The following SUN2 variants were observed in gnomAD, a reference collection of about 807,000 sequenced individuals.
SUN2 encodes SUN domain-containing protein 2.
In SUN2, 60 loss-of-function variants were observed where a neutral mutation model predicts 100.0. The ratio of observed to expected loss-of-function variants is 0.60; its 90% CI spans 0.49 to 0.74. The LOEUF is 0.74. Ranked by LOEUF, SUN2 falls within the 30% of genes least tolerant of loss-of-function variation. SUN2 has a pLI of 0.00. For missense variants in SUN2, 834 were observed against 954.6 expected (o/e 0.87, Z 1.66); for synonymous variants, 367 against 403.3 (o/e 0.91, Z 1.08).
rs2092980808 is a variant in SUN2, at chr22:38,755,787, C to T, written c.-62G>A. 1 of 984,474 alleles carries T rather than the reference C, an allele frequency of 1.0e-6. No homozygotes were observed. Among genetic ancestry groups the T allele is most frequent in the South Asian group, 4.7e-5 (1 of 21,288 alleles). The allele number at this position is 984,474 out of a possible 1,614,324, so 61.0% of individuals were successfully genotyped here. A position where few individuals can be genotyped will look rare whatever the true frequency, so the allele number is the denominator to read the frequency against. ...CCTGCTGCCGCGGCGGCTTCTAGCC[C>T]GGCCGGGGGCGTCCGAGGCCAGGCC... On this transcript the variant is annotated 5_prime_UTR_variant, in exon 1 of 18. Coordinates refer to ENST00000689035, the MANE Select transcript of SUN2 (RefSeq NM_015374.3). This position sits in a 1 kb window ranked among gnomAD's most constrained non-coding sequence, Gnocchi z 5.7.
Position 38,755,516 on chromosome 22 carries a change from G to C in SUN2, c.-38+247C>G, listed in dbSNP as rs959488939. 8 of 983,366 alleles carry C rather than the reference G, an allele frequency of 8.1e-6. No individual in the cohort carries two copies. The highest frequency in any genetic ancestry group is 9.7e-6 in the Non-Finnish European group (8 of 827,710). The allele number at this position is 983,366 out of a possible 1,614,324, so 60.9% of individuals were successfully genotyped here. A position where few individuals can be genotyped will look rare whatever the true frequency, so the allele number is the denominator to read the frequency against. On this transcript the variant is annotated intron_variant, in intron 1 of 17. Coordinates refer to ENST00000689035, the MANE Select transcript of SUN2 (RefSeq NM_015374.3). The surrounding 1 kb of genome is among the most constrained non-coding windows in gnomAD (Gnocchi z 5.7). The stretch of plus-strand genomic sequence containing the variant: ...TTTGCCCTCCTCCTCCCGGGAGGCT[G>C]CCCGGGAAGTCCCGCCCGCAGACAC...
Position 38,750,320 on chromosome 22 carries a change from C to T in SUN2, c.425G>A (p.Gly142Asp). The change falls in exon 5 of 18, where the codon GGC becomes GAC. Residue 142 changes from glycine to aspartate, a missense_variant and splice_region_variant. By Grantham distance (94) the Gly-to-Asp change is moderately conservative. Around this residue, in one of 3 missense-constraint regions of SUN2, gnomAD observed 559 missense variants for 597.7 expected, o/e 0.94. Transcript: ENST00000689035. ...SGYSSEDDYVGYSDVDQQSSS... is the reference protein window; with the variant it reads ...SGYSSEDDYVDYSDVDQQSSS... ...ACTCTGCTGGTCCACATCCGAGTAG[C>T]CTGCGGGGAACGAGGACACTGGCTC... The T allele has an allele frequency of 6.2e-7, 1 of 1,613,920 alleles. No homozygotes were observed. Among genetic ancestry groups the T allele is most frequent in the Non-Finnish European group, 8.5e-7 (1 of 1,180,012 alleles).
Position 38,740,798 on chromosome 22 carries a change from C to T in SUN2, c.1190+209G>A, listed in dbSNP as rs1044638523. Reference sequence around the variant, plus strand: ...CGGTCCTCTCACACAGCCTGCCCCCCGCCCTCAGGACCCCCCTGCTAACCT... The same window carrying T: ...CGGTCCTCTCACACAGCCTGCCCCCTGCCCTCAGGACCCCCCTGCTAACCT... On this transcript the variant is annotated intron_variant, in intron 11 of 17. Transcript: ENST00000689035. This position sits in a 1 kb window ranked among gnomAD's most constrained non-coding sequence, Gnocchi z 4.8. The T allele has an allele frequency of 2.5e-5, 15 of 611,194 alleles. No homozygotes were observed. Among genetic ancestry groups the T allele is most frequent in the South Asian group, 1.2e-4 (6 of 51,144 alleles). 37.9% of individuals were successfully genotyped at this position (611,194 alleles called of 1,614,324 possible). A position where few individuals can be genotyped will look rare whatever the true frequency, so the allele number is the denominator to read the frequency against.
At chr22:38,741,853 TGAG>T (rs1410487060) in intron 9 of SUN2, among the ~76,000 whole-genome samples, 2 of 152,008 alleles carry the variant, frequency 1.3e-5, no homozygotes, top group Non-Finnish European at 2.9e-5. Context: ...TTAGAGAAGG[TGAG>T]GAGGCCTGGC....
intron 7 of SUN2, among the ~76,000 whole-genome samples, 162 bp downstream of exon 7, chr22:38,748,551 G>A (rs2092920983): frequency 6.6e-6 from 1 of 152,188 alleles, no homozygotes; most frequent in Non-Finnish European, 1.5e-5. Context: ...CTCAGGAGAG[G>A]TGGGGAGGGC....
rs116551799 is a variant in SUN2, at chr22:38,745,051, C to T, written c.813+633G>A. On this transcript the variant is annotated intron_variant, in intron 8 of 17. Coordinates refer to ENST00000689035, the MANE Select transcript of SUN2 (RefSeq NM_015374.3). The stretch of plus-strand genomic sequence containing the variant: ...AATCTGGATTTGGCTCTGAGATTTG[C>T]GGTAGCCAACAGAATGTGGCGGGAG... 725 of 471,156 alleles carry T rather than the reference C, an allele frequency of 1.5e-3. 9 individuals are homozygous for T. Among genetic ancestry groups the T allele is most frequent in the African/African-American group, 0.013 (640 of 50,180 alleles). The allele number at this position is 471,156 out of a possible 1,614,324, so 29.2% of individuals were successfully genotyped here.
At chr22:38,736,492 T>C in intron 17 of SUN2, 112 bp from the exon 18 acceptor site, 1 of 776,322 alleles carries the variant, frequency 1.3e-6, no homozygotes, top group Non-Finnish European at 2.0e-6. Context: ...CCCCTGCTCC[T>C]TCCCTGGGGC....
chr22:38,738,196 G>C lies in SUN2; in HGVS notation c.2017C>G (p.Pro673Ala). ...GKFTYDQDGE[P>A]IQTFHFQAPT... ...ACCTGAAAGTGAAACGTCTGAATAG[G>C]CTCGCCGTCCTGATCGTAAGTGAAC... is the stretch of plus-strand genomic sequence containing the variant. The change falls in exon 17 of 18, where the codon CCT becomes GCT. Residue 673 changes from proline (P) to alanine (A), a missense_variant. By Grantham distance (27) the Pro-to-Ala change is conservative. This residue lies in a region of SUN2 where 80 missense variants were observed against 76.7 expected (regional missense o/e 1.04). Coordinates refer to ENST00000689035, the MANE Select transcript of SUN2 (RefSeq NM_015374.3). The surrounding 1 kb of genome is among the most constrained non-coding windows in gnomAD (Gnocchi z 6.6). The C allele has an allele frequency of 6.2e-7, 1 of 1,613,914 alleles. No homozygotes were observed. The highest frequency in any genetic ancestry group is 8.5e-7 in the Non-Finnish European group (1 of 1,179,996).
At chr22:38,749,043 T>C in intron 6 of SUN2, 1 of 439,278 alleles carries the variant, frequency 2.3e-6, no homozygotes, top group East Asian at 3.3e-5. Flanking sequence ...TTTGAAAAAC[T>C]CAAAAATTTT....
chr22:38,736,500 G>A, intron 17 of SUN2, 120 bp from the exon 18 acceptor site: 1 of 731,008 alleles, frequency 1.4e-6, no homozygotes, highest in Non-Finnish European at 2.1e-6. Context: ...CCTTCCCTGG[G>A]GCTCTGAAGA....
chr22:38,750,262 C>T lies in SUN2; in HGVS notation c.483G>A (p.Arg161=). The T allele has an allele frequency of 6.2e-7, 1 of 1,613,800 alleles. No individual in the cohort carries two copies. Among genetic ancestry groups the T allele is most frequent in the Non-Finnish European group, 8.5e-7 (1 of 1,179,882 alleles). The change falls in exon 5 of 18, where the codon CGG becomes CGA. Residue 161 remains arginine (R), a synonymous_variant. Coordinates refer to ENST00000689035, the MANE Select transcript of SUN2 (RefSeq NM_015374.3). ...SSSRLRSAVS[R]AGSLLWMVAT... Reference sequence around the variant, plus strand: ...CCACCATCCAGAGTAAGGAGCCCGCCCGTGAGACGGCGCTTCGGAGCCGCG... The same window carrying T: ...CCACCATCCAGAGTAAGGAGCCCGCTCGTGAGACGGCGCTTCGGAGCCGCG...
chr22:38,749,726 G>C, intron 6 of SUN2, 40 bp downstream of exon 6: 1 of 1,575,288 alleles, frequency 6.3e-7, no homozygotes, highest in South Asian at 1.1e-5. Context: ...CTTCACCCCA[G>C]GGCCTTGCGA....
At chr22:38,752,771 AC>A (rs1028724726) in intron 1 of SUN2, 106 bp from the exon 2 acceptor site, 126 of 1,287,326 alleles carry the variant, frequency 9.8e-5, no homozygotes, top group Non-Finnish European at 1.1e-4. Flanking sequence ...AGAACAGACC[AC>A]CCCCCCGGCC....
rs771476934 is a variant in SUN2 at position 38,742,304 on chromosome 22, G to T, written c.1065C>A (p.Ile355=). The T allele has an allele frequency of 2.5e-6, 4 of 1,598,300 alleles. No homozygotes were observed. In the East Asian group the frequency reaches 9.0e-5, roughly 36 times the overall value. ...CCTGAGGTATTCCACCTCCTACCTG[G>T]ATGCGAGCAGCAGTTTCCCTGCGGA... The part of the protein sequence containing the change: ...EDFRRETAAR[I]QEELSALRAE... The change falls in exon 9 of 18, where the codon ATC becomes ATA. Residue 355 remains isoleucine, a synonymous_variant. Transcript: ENST00000689035.
At position 38,755,175 on chromosome 22, in the gene SUN2, A is replaced by G; in HGVS notation, c.-38+588T>C. On this transcript the variant is annotated intron_variant, in intron 1 of 17. Transcript: ENST00000689035. The surrounding 1 kb of genome is among the most constrained non-coding windows in gnomAD (Gnocchi z 5.7). ...AGATCTGGGGCATCTTCCTCGTGAC[A>G]TTTCCACTCCCTGGGCACAGCCAGG... 8.8e-7 allele frequency: 1 copy of G among 1,135,848 alleles called. No homozygotes were observed. The highest frequency in any genetic ancestry group is 1.1e-6 in the Non-Finnish European group (1 of 894,156). 70.4% of individuals were successfully genotyped at this position (1,135,848 alleles called of 1,614,324 possible). A position where few individuals can be genotyped will look rare whatever the true frequency, so the allele number is the denominator to read the frequency against.
intron 17 of SUN2, 114 bp from the exon 18 acceptor site, chr22:38,736,494 C>T (rs574848949): frequency 3.9e-4 from 302 of 765,098 alleles, no homozygotes; most frequent in Middle Eastern, 3.4e-3. Context: ...CCTGCTCCTT[C>T]CCTGGGGCTC....
In SUN2 at chr22:38,739,928, G is replaced by A. The variant is rs76681049; in HGVS notation, c.1372C>T (p.Pro458Ser). 987 of 1,611,458 alleles carry A rather than the reference G, an allele frequency of 6.1e-4. 7 individuals carry two copies. The African/African-American group carries it at 0.012, about 20-fold the overall frequency. Residue 458 changes from proline to serine, a missense_variant, in exon 13 of 18, where the codon CCG becomes TCG. By Grantham distance (74) the Pro-to-Ser change is moderately conservative. This residue lies in a region of SUN2 where 195 missense variants were observed against 280.2 expected (regional missense o/e 0.70). Coordinates refer to ENST00000689035, the MANE Select transcript of SUN2 (RefSeq NM_015374.3). The surrounding 1 kb of genome is among the most constrained non-coding windows in gnomAD (Gnocchi z 6.7). Reference protein sequence around the residue: ...AVRDDVESQFPAWISQFLARG... With the variant: ...AVRDDVESQFSAWISQFLARG... ...GCAAGGAACTGACTGATCCAGGCCGGGAACTGAGATTCCACCTATAGGAAC... is the reference window on the plus strand; with the variant it reads ...GCAAGGAACTGACTGATCCAGGCCGAGAACTGAGATTCCACCTATAGGAAC...
intron 8 of SUN2, among the ~76,000 whole-genome samples, chr22:38,744,495 C>T (rs1159049048): frequency 2.0e-5 from 3 of 152,034 alleles, no homozygotes; most frequent in Non-Finnish European, 2.9e-5. Flanking sequence ...GCAGGAGGAT[C>T]GCTTGAGCCC....
At position 38,735,515 on chromosome 22, in the gene SUN2, G is replaced by A; in HGVS notation, c.*752C>T. The A allele has an allele frequency of 3.6e-6, 1 of 279,078 alleles. No homozygotes were observed. Among genetic ancestry groups the A allele is most frequent in the South Asian group, 3.1e-5 (1 of 32,260 alleles). 17.3% of individuals were successfully genotyped at this position (279,078 alleles called of 1,614,324 possible). A position where few individuals can be genotyped will look rare whatever the true frequency, so the allele number is the denominator to read the frequency against. On this transcript the variant is annotated 3_prime_UTR_variant, in exon 18 of 18. Transcript: ENST00000689035. ...TGGCAGGCCCTAGCAGGAACAGGGA[G>A]CAGGGTGGGCCCCAACCTAGCATCA...
Sources: allele counts gnomAD v4.1 joint callset (sites outside exome capture counted in the v4.1 genomes callset), GRCh38; gene constraint gnomAD v4.1.1; regional missense constraint gnomAD v4.1.1; non-coding constraint Gnocchi (gnomAD v3.1); transcripts MANE v1.5; gene names NCBI Gene and HGNC (gene_info 2026-07-23, HGNC 2026-07-21).